Variants in TBC1D14 observed in about 807,000 individuals in gnomAD.
TBC1D14 encodes TBC1 domain family, member 14.
Under a neutral mutation model 79.0 loss-of-function variants are expected in TBC1D14, and 26 were observed. The observed-to-expected ratio is 0.33, with a 90% CI of 0.24 to 0.46. TBC1D14 has a LOEUF of 0.46. TBC1D14 is among the 20% of genes least tolerant of loss of function. The pLI is 1.00. For missense variants in TBC1D14, 769 were observed against 887.6 expected, an observed-to-expected ratio of 0.87 and a Z score of 1.70; for synonymous variants, 394 against 349.9, an observed-to-expected ratio of 1.13 and a Z score of -1.40.
At chr4:6,924,368 C>T (rs935482556) in intron 2 of TBC1D14, among the ~76,000 whole-genome samples, 1 of 152,128 alleles carries the variant, frequency 6.6e-6, no homozygotes, top group African/African-American at 2.4e-5. Flanking sequence ...TGTGGCTGTC[C>T]CACAGGTGGC....
rs771878021 is a variant in TBC1D14 at position 6,999,039 on chromosome 4, C to A, written c.1046-46C>A. ...GAAAATCACCTTGCCTGGAAATGGT[C>A]CATATCAGTTAGTAGATTGTTGTTT... On this transcript the variant is annotated intron_variant, in intron 5 of 13. Coordinates refer to ENST00000409757, the MANE Select transcript of TBC1D14 (RefSeq NM_020773.3). 4 of 1,579,778 alleles carry A rather than the reference C, an allele frequency of 2.5e-6. No individual in the cohort carries two copies. The East Asian group carries it at 6.7e-5, about 27-fold the overall frequency.
intron 3 of TBC1D14, among the ~76,000 whole-genome samples, chr4:6,993,395 G>A (rs1186456619): frequency 1.3e-5 from 2 of 152,210 alleles, no homozygotes; most frequent in East Asian, 1.9e-4. Flanking sequence ...GTGTGAATGA[G>A]CTCTTGTGGT....
chr4:7,015,827 C>T (rs868633616), intron 12 of TBC1D14, among the ~76,000 whole-genome samples: 5 of 152,166 alleles, frequency 3.3e-5, no homozygotes, highest in Non-Finnish European at 5.9e-5. Flanking sequence ...GTGATTCACC[C>T]CACAGGGTGC....
chr4:7,014,392 G>A, intron 11 of TBC1D14, 56 bp from the exon 12 acceptor site: 1 of 1,220,332 alleles, frequency 8.2e-7, no homozygotes, highest in South Asian at 1.3e-5. Context: ...TGACTTTTTT[G>A]TAAATTGAAA....
At chr4:6,946,379 C>A (rs1713464354) in intron 2 of TBC1D14, among the ~76,000 whole-genome samples, 1 of 152,146 alleles carries the variant, frequency 6.6e-6, no homozygotes, top group South Asian at 2.1e-4. Context: ...GTCACCCAGG[C>A]TGGAGTGCAA....
chr4:6,947,099 G>A (rs759842911), intron 2 of TBC1D14, among the ~76,000 whole-genome samples: 9 of 152,104 alleles, frequency 5.9e-5, no homozygotes, highest in Non-Finnish European at 5.9e-5. Context: ...AGTGGCTCAC[G>A]CCTGTAATCC....
chr4:7,014,171 T>C (rs1721061533), intron 11 of TBC1D14, among the ~76,000 whole-genome samples: 1 of 152,250 alleles, frequency 6.6e-6, no homozygotes. Flanking sequence ...ACAAAGCTTG[T>C]GCCCTTATTT....
At chr4:6,944,616 A>G (rs1242341076) in intron 2 of TBC1D14, among the ~76,000 whole-genome samples, 6 of 152,200 alleles carry the variant, frequency 3.9e-5, no homozygotes, top group Non-Finnish European at 8.8e-5. Flanking sequence ...TGCTCCAAGC[A>G]GTGGCTGATG....
At chr4:6,941,940 C>T (rs1245796306) in intron 2 of TBC1D14, among the ~76,000 whole-genome samples, 3 of 152,146 alleles carry the variant, frequency 2.0e-5, no homozygotes, top group Non-Finnish European at 4.4e-5. Flanking sequence ...GGTGGCGATT[C>T]AGTATGAAAT....
chr4:6,986,082 A>T (rs1717794246), intron 3 of TBC1D14, among the ~76,000 whole-genome samples: 1 of 152,256 alleles, frequency 6.6e-6, no homozygotes, highest in Non-Finnish European at 1.5e-5. Flanking sequence ...CCAGGCAAAC[A>T]TGAATTTGCT....
chr4:7,029,722 G>A (rs976872944), intron 13 of TBC1D14, among the ~76,000 whole-genome samples: 18 of 152,340 alleles, frequency 1.2e-4, no homozygotes, highest in Non-Finnish European at 1.5e-5. Flanking sequence ...CTACTCAGGA[G>A]GCTGAGGCAG....
At chr4:6,972,660 G>A (rs1307691529) in intron 3 of TBC1D14, among the ~76,000 whole-genome samples, 1 of 152,104 alleles carries the variant, frequency 6.6e-6, no homozygotes, top group Non-Finnish European at 1.5e-5. Flanking sequence ...TTTGTTTTCT[G>A]TATCTAGAAG....
intron 2 of TBC1D14, among the ~76,000 whole-genome samples, chr4:6,934,594 C>G (rs191272016): frequency 2.0e-5 from 3 of 151,284 alleles, no homozygotes; most frequent in Non-Finnish European, 2.9e-5. Context: ...GGAGGCAGAG[C>G]TTGCAGTGGG....
At chr4:7,006,161 C>T (rs1349401716) in intron 8 of TBC1D14, among the ~76,000 whole-genome samples, 3 of 151,590 alleles carry the variant, frequency 2.0e-5, no homozygotes, top group Non-Finnish European at 4.4e-5. Flanking sequence ...AAAGAAAGAC[C>T]CTGTCGCTAC....
chr4:6,927,059 TG>T (rs1724348280), intron 2 of TBC1D14, among the ~76,000 whole-genome samples: 1 of 152,102 alleles, frequency 6.6e-6, no homozygotes, highest in African/African-American at 2.4e-5. Context: ...GGCTGCTTGA[TG>T]AGGTGGGAGC....
At chr4:6,947,355 G>A (rs974132333) in intron 2 of TBC1D14, among the ~76,000 whole-genome samples, 9 of 152,122 alleles carry the variant, frequency 5.9e-5, no homozygotes, top group East Asian at 1.9e-4. Context: ...AAAATTAGCC[G>A]GCTGTGGTGG....
At chr4:6,991,632 G>C (rs750495913) in intron 3 of TBC1D14, among the ~76,000 whole-genome samples, 10 of 152,196 alleles carry the variant, frequency 6.6e-5, no homozygotes, top group African/African-American at 9.6e-5. Context: ...GAGGTACAGC[G>C]TGTCCTTGTG....
chr4:6,923,037 C>T (rs140795166), intron 1 of TBC1D14, among the ~76,000 whole-genome samples: 6 of 152,292 alleles, frequency 3.9e-5, no homozygotes, highest in African/African-American at 1.2e-4. Flanking sequence ...GCTGTCTCTA[C>T]TAAAAATACA....
chr4:6,991,160 A>G (rs1718445770), intron 3 of TBC1D14, among the ~76,000 whole-genome samples: 1 of 152,156 alleles, frequency 6.6e-6, no homozygotes, highest in South Asian at 2.1e-4. Flanking sequence ...TATTATTTTA[A>G]TCATGCCTTG....
Sources: gnomAD v4.1 joint callset for allele counts (sites outside exome capture counted in the v4.1 genomes callset) on GRCh38, gnomAD v4.1.1 for gene constraint, MANE v1.5 for transcripts, NCBI Gene and HGNC (gene_info 2026-07-23, HGNC 2026-07-21) for gene names.